CADPS2: variants seen among roughly 807,000 people sequenced by gnomAD.
CADPS2 encodes calcium dependent secretion activator 2.
Under a neutral mutation model 172.5 loss-of-function variants are expected in CADPS2, and 93 were observed. The ratio of observed to expected loss-of-function variants is 0.54; its 90% CI spans 0.46 to 0.64. The LOEUF (loss-of-function observed/expected upper bound fraction) is 0.64, where lower values mean the gene tolerates loss of function less well. CADPS2 is among the 30% of genes least tolerant of loss of function. The probability of loss-of-function intolerance (pLI) is 0.00; values close to 1 mark genes in which losing one functional copy is unlikely to be tolerated. For synonymous variants in CADPS2, 546 were observed against 555.2 expected (o/e 0.98, Z 0.23); for missense variants, 1,420 against 1,565.9 (o/e 0.91, Z 1.57).
intron 1 of CADPS2, among the ~76,000 whole-genome samples, chr7:122,773,688 G>A (rs539051621): frequency 6.6e-6 from 1 of 152,124 alleles, no homozygotes; most frequent in South Asian, 2.1e-4. Context: ...GCTTTTTCAG[G>A]CATTGCTTTA....
chr7:122,761,425 T>TCA (rs2093375377), intron 1 of CADPS2, among the ~76,000 whole-genome samples: 2 of 152,066 alleles, frequency 1.3e-5, no homozygotes, highest in African/African-American at 4.8e-5. Context: ...TTAATAAGCC[T>TCA]CACCTATATC....
intron 1 of CADPS2, among the ~76,000 whole-genome samples, chr7:122,829,137 C>T (rs1267354310): frequency 2.6e-5 from 4 of 152,098 alleles, no homozygotes; most frequent in African/African-American, 9.7e-5. Flanking sequence ...TAAGAAGGAA[C>T]AGGTCCATTA....
chr7:122,378,883 C>A (rs909424235), intron 25 of CADPS2: 1 of 153,968 alleles, frequency 6.5e-6, no homozygotes, highest in African/African-American at 2.4e-5. Context: ...GAAAGATCAT[C>A]GCTTTCATCA....
intron 17 of CADPS2, among the ~76,000 whole-genome samples, chr7:122,419,102 G>T (rs567068797): frequency 6.6e-6 from 1 of 152,266 alleles, no homozygotes; most frequent in African/African-American, 2.4e-5. Flanking sequence ...GTCAGCAACT[G>T]GGTCTCATTC....
At chr7:122,591,587 C>A (rs996716113) in intron 6 of CADPS2, among the ~76,000 whole-genome samples, 1 of 151,974 alleles carries the variant, frequency 6.6e-6, no homozygotes, top group Non-Finnish European at 1.5e-5. Context: ...TTTCAAACTA[C>A]ACTACAAGGC....
At chr7:122,364,624 G>T (rs1251750019) in intron 25 of CADPS2, among the ~76,000 whole-genome samples, 1 of 151,144 alleles carries the variant, frequency 6.6e-6, no homozygotes, top group Non-Finnish European at 1.5e-5. Flanking sequence ...CTACTCAGGA[G>T]ACTGAGGCAG....
chr7:122,351,182 C>T (rs867952032), intron 27 of CADPS2, among the ~76,000 whole-genome samples: 1 of 150,978 alleles, frequency 6.6e-6, no homozygotes, highest in Admixed American at 6.6e-5. Context: ...CTGGCTAACA[C>T]GGTGTGTTAC....
chr7:122,363,786 T>A (rs2040492351), intron 25 of CADPS2, among the ~76,000 whole-genome samples: 1 of 152,150 alleles, frequency 6.6e-6, no homozygotes, highest in Non-Finnish European at 1.5e-5. Context: ...GCAAAATCAC[T>A]ATCTGTGTCT....
At chr7:122,447,847 C>T (rs2052501291) in intron 15 of CADPS2, among the ~76,000 whole-genome samples, 2 of 151,972 alleles carry the variant, frequency 1.3e-5, no homozygotes, top group African/African-American at 4.8e-5. Flanking sequence ...GCCACTGCAC[C>T]CAGCCAGTTT....
At chr7:122,720,530 G>A (rs2090245921) in intron 2 of CADPS2, among the ~76,000 whole-genome samples, 1 of 150,820 alleles carries the variant, frequency 6.6e-6, no homozygotes. Context: ...ATATGTGTAT[G>A]CAGATATGTA....
At chr7:122,702,201 T>A (rs753548424) in intron 2 of CADPS2, 22 of 1,613,698 alleles carry the variant, frequency 1.4e-5, no homozygotes, top group East Asian at 2.2e-5. Context: ...ACCCACTGCA[T>A]GTGCATTCTC....
chr7:122,480,798 T>A (rs2057196103), intron 12 of CADPS2, 54 bp downstream of exon 12: 1 of 1,216,642 alleles, frequency 8.2e-7, no homozygotes, highest in Admixed American at 2.2e-5. Flanking sequence ...TCAAACATAG[T>A]ATCATTAAAA....
At chr7:122,801,540 T>A (rs1328729582) in intron 1 of CADPS2, among the ~76,000 whole-genome samples, 1 of 152,128 alleles carries the variant, frequency 6.6e-6, no homozygotes, top group African/African-American at 2.4e-5. Context: ...CATGTAATAG[T>A]GAAGAAATAT....
chr7:122,416,296 C>CAA (rs35971020), intron 17 of CADPS2, 132 bp from the exon 18 acceptor site: 345 of 335,512 alleles, frequency 1.0e-3, no homozygotes, highest in Non-Finnish European at 1.4e-3. Context: ...ATTATTTAGA[C>CAA]AAAAAAAAAA....
chr7:122,788,228 T>G (rs1794500680), intron 1 of CADPS2, among the ~76,000 whole-genome samples: 1 of 152,232 alleles, frequency 6.6e-6, no homozygotes. Flanking sequence ...TCTGACTCAC[T>G]GGGAAACTTT....
chr7:122,618,787 C>G (rs2075258186), intron 5 of CADPS2, among the ~76,000 whole-genome samples: 1 of 152,146 alleles, frequency 6.6e-6, no homozygotes, highest in Non-Finnish European at 1.5e-5. Flanking sequence ...GGTCCTGTGA[C>G]TAGAGGCATA....
At chr7:122,816,652 A>G (rs1801504515) in intron 1 of CADPS2, among the ~76,000 whole-genome samples, 1 of 152,200 alleles carries the variant, frequency 6.6e-6, no homozygotes, top group African/African-American at 2.4e-5. Context: ...TCTCAGTTAC[A>G]CTGTAGGAAG....
chr7:122,736,496 A>G (rs1293476473), intron 2 of CADPS2, among the ~76,000 whole-genome samples: 2 of 152,214 alleles, frequency 1.3e-5, no homozygotes. Context: ...AAGAAACAGC[A>G]GAATGGTATT....
intron 2 of CADPS2, among the ~76,000 whole-genome samples, chr7:122,664,018 C>T (rs2080900828): frequency 6.7e-6 from 1 of 149,098 alleles, no homozygotes; most frequent in Non-Finnish European, 1.5e-5. Flanking sequence ...TTTTGGACTT[C>T]CCAAGCCTCC....
Sources: allele counts gnomAD v4.1 joint callset (sites outside exome capture counted in the v4.1 genomes callset), GRCh38; gene constraint gnomAD v4.1.1; transcripts MANE v1.5; gene names NCBI Gene and HGNC (gene_info 2026-07-23, HGNC 2026-07-21).